Variants in THSD7B observed in about 807,000 individuals in gnomAD.
The protein encoded by THSD7B is thrombospondin type 1 domain containing 7B, also known as thrombospondin type-1 domain-containing protein 7B.
In THSD7B, 138 loss-of-function variants were observed where a neutral mutation model predicts 213.6. That is an observed-to-expected ratio of 0.65 (90% confidence interval 0.56 to 0.74). THSD7B has a LOEUF of 0.74. Among genes scored for constraint, THSD7B ranks in the 30% least tolerant of loss-of-function variants. The probability of loss-of-function intolerance (pLI) is 0.00; values close to 1 mark genes in which losing one functional copy is unlikely to be tolerated. For missense variants in THSD7B, 1,931 were observed against 1,991.5 expected, an observed-to-expected ratio of 0.97 and a Z score of 0.58; for synonymous variants, 742 against 687.0, an observed-to-expected ratio of 1.08 and a Z score of -1.25.
intron 7 of THSD7B, among the ~76,000 whole-genome samples, chr2:137,205,648 C>T (rs1463958065): frequency 6.6e-6 from 1 of 151,982 alleles, no homozygotes; most frequent in Non-Finnish European, 1.5e-5. Flanking sequence ...ACTTTGGAAA[C>T]AAATTTTTTC....
intron 26 of THSD7B, among the ~76,000 whole-genome samples, chr2:137,667,469 C>A (rs1683471800): frequency 6.6e-6 from 1 of 152,072 alleles, no homozygotes; most frequent in African/African-American, 2.4e-5. Context: ...TGTAAAAGTT[C>A]ATTAAAAATG....
chr2:137,412,571 TG>T (rs1329918377), intron 14 of THSD7B, among the ~76,000 whole-genome samples: 1 of 116,298 alleles, frequency 8.6e-6, no homozygotes, highest in African/African-American at 3.3e-5. Flanking sequence ...CACTCTTTCC[TG>T]GGCAACGAGA....
At chr2:137,057,609 T>C (rs1336094887) in intron 3 of THSD7B, among the ~76,000 whole-genome samples, 1 of 152,250 alleles carries the variant, frequency 6.6e-6, no homozygotes, top group African/African-American at 2.4e-5. Context: ...ATATGAATTA[T>C]GTAAATATTT....
At chr2:136,826,650 C>G (rs941063119) in intron 1 of THSD7B, among the ~76,000 whole-genome samples, 10 of 149,770 alleles carry the variant, frequency 6.7e-5, no homozygotes, top group Admixed American at 1.3e-4. Flanking sequence ...ATTCATGATG[C>G]CTGGCAAAAT....
chr2:137,227,988 G>T (rs1259934382), intron 7 of THSD7B, among the ~76,000 whole-genome samples: 1 of 152,096 alleles, frequency 6.6e-6, no homozygotes, highest in African/African-American at 2.4e-5. Flanking sequence ...GCTCTAAAAG[G>T]TAAACATCAT....
At chr2:136,826,531 T>C (rs1372190885) in intron 1 of THSD7B, among the ~76,000 whole-genome samples, 1 of 152,218 alleles carries the variant, frequency 6.6e-6, no homozygotes, top group African/African-American at 2.4e-5. Flanking sequence ...GTTTTCCGGC[T>C]TCAGGCTCTT....
intron 27 of THSD7B, among the ~76,000 whole-genome samples, chr2:137,670,650 G>A (rs973010240): frequency 2.6e-5 from 4 of 152,070 alleles, no homozygotes; most frequent in South Asian, 4.1e-4. Flanking sequence ...GGCCAGGTGC[G>A]GTGGCTCATG....
At chr2:137,214,406 C>T (rs11903797) in intron 7 of THSD7B, among the ~76,000 whole-genome samples, 8,754 of 152,016 alleles carry the variant, frequency 0.058, 660 homozygotes, top group African/African-American at 0.17. Context: ...AAAGTCATAC[C>T]TTTGGTAGAA....
At chr2:137,096,622 C>T (rs998355130) in intron 4 of THSD7B, among the ~76,000 whole-genome samples, 1 of 152,152 alleles carries the variant, frequency 6.6e-6, no homozygotes, top group African/African-American at 2.4e-5. Flanking sequence ...AACCCTTCCT[C>T]GTTGTGTTGT....
intron 15 of THSD7B, among the ~76,000 whole-genome samples, chr2:137,561,641 T>C (rs1681121937): frequency 1.3e-5 from 2 of 152,102 alleles, no homozygotes; most frequent in Admixed American, 6.6e-5. Context: ...TGTCATCAGC[T>C]CAATTTCTTA....
At chr2:137,245,122 C>A (rs76850394) in intron 10 of THSD7B, among the ~76,000 whole-genome samples, 1 of 152,082 alleles carries the variant, frequency 6.6e-6, no homozygotes, top group African/African-American at 2.4e-5. Flanking sequence ...CTTGCTTTAA[C>A]GCTAGATATG....
At chr2:137,034,278 G>A (rs376546463) in intron 2 of THSD7B, among the ~76,000 whole-genome samples, 2 of 152,006 alleles carry the variant, frequency 1.3e-5, no homozygotes, top group Non-Finnish European at 2.9e-5. Flanking sequence ...GCTAATTTTT[G>A]TATTTTTAGT....
chr2:137,007,752 A>G (rs1009067267), intron 2 of THSD7B, among the ~76,000 whole-genome samples: 13 of 152,194 alleles, frequency 8.5e-5, no homozygotes, highest in African/African-American at 2.9e-4. Flanking sequence ...TAATGTTTCT[A>G]TAGAGATTAT....
At chr2:137,013,372 G>C (rs1686274037) in intron 2 of THSD7B, among the ~76,000 whole-genome samples, 14 of 152,146 alleles carry the variant, frequency 9.2e-5, no homozygotes. Context: ...AAAGAAAGGG[G>C]AACCCAGGTA....
At chr2:137,366,106 CTGGAAACCA>C (rs150895677) in intron 12 of THSD7B, among the ~76,000 whole-genome samples, 5,701 of 152,156 alleles carry the variant, frequency 0.037, 149 homozygotes, top group Non-Finnish European at 0.06. Flanking sequence ...ATGGATGAAG[CTGGAAACCA>C]TCATTCTGAG....
chr2:137,582,045 G>T (rs1446391193), intron 17 of THSD7B, among the ~76,000 whole-genome samples: 2 of 152,048 alleles, frequency 1.3e-5, no homozygotes, highest in Admixed American at 1.3e-4. Flanking sequence ...GCAGGAGGTT[G>T]CAGTGAGCTA....
intron 12 of THSD7B, among the ~76,000 whole-genome samples, chr2:137,354,705 T>C (rs1465129322): frequency 6.6e-6 from 1 of 152,130 alleles, no homozygotes; most frequent in Non-Finnish European, 1.5e-5. Flanking sequence ...TCTATAGTAA[T>C]CTTGCATTTT....
At chr2:137,219,726 ACTT>A (rs1165680004) in intron 7 of THSD7B, among the ~76,000 whole-genome samples, 1 of 152,192 alleles carries the variant, frequency 6.6e-6, no homozygotes, top group Non-Finnish European at 1.5e-5. Context: ...CTTCTCATTT[ACTT>A]CTTCATCCAA....
chr2:137,662,593 C>T (rs938669801), intron 25 of THSD7B, among the ~76,000 whole-genome samples: 4 of 152,148 alleles, frequency 2.6e-5, no homozygotes, highest in East Asian at 1.9e-4. Context: ...GGAGGGATTT[C>T]GCGGCTGTGA....
Sources: allele counts gnomAD v4.1 joint callset (sites outside exome capture counted in the v4.1 genomes callset), GRCh38; gene constraint gnomAD v4.1.1; transcripts MANE v1.5; gene names NCBI Gene and HGNC (gene_info 2026-07-23, HGNC 2026-07-21).